ST3GAL3: variants seen among roughly 807,000 people sequenced by gnomAD.
ST3GAL3 encodes the protein ST3 beta-galactoside alpha-2,3-sialyltransferase 3.
In ST3GAL3, 21 loss-of-function variants were observed where a neutral mutation model predicts 50.1. The observed-to-expected ratio is 0.42, with a 90% CI of 0.30 to 0.60. ST3GAL3 has a LOEUF of 0.60. Among genes scored for constraint, ST3GAL3 ranks in the 20% least tolerant of loss-of-function variants. The probability of loss-of-function intolerance (pLI) is 0.19; values close to 1 mark genes in which losing one functional copy is unlikely to be tolerated. For synonymous variants in ST3GAL3, 183 were observed against 190.0 expected (o/e 0.96, Z 0.30); for missense variants, 353 against 489.4 (o/e 0.72, Z 2.63).
chr1:43,719,836 G>C (rs1669461071), intron 1 of ST3GAL3, among the ~76,000 whole-genome samples: 1 of 148,720 alleles, frequency 6.7e-6, no homozygotes, highest in South Asian at 2.1e-4. Context: ...TGGAGGGTGA[G>C]GCAGGAGAAT....
chr1:43,751,305 T>A (rs543711638), intron 2 of ST3GAL3, among the ~76,000 whole-genome samples: 1 of 152,320 alleles, frequency 6.6e-6, no homozygotes, highest in East Asian at 1.9e-4. Context: ...TATAAGTGGG[T>A]TCCTGGAAGG....
At chr1:43,792,018 G>C (rs1022407189) in intron 2 of ST3GAL3, 84 bp from the exon 3 acceptor site, 3 of 1,520,536 alleles carry the variant, frequency 2.0e-6, no homozygotes, top group Non-Finnish European at 2.7e-6. Context: ...TCTGCTTTGA[G>C]GGAGGGTTTG....
intron 1 of ST3GAL3, among the ~76,000 whole-genome samples, chr1:43,715,302 G>A (rs1363442101): frequency 2.0e-5 from 3 of 152,116 alleles, no homozygotes; most frequent in Non-Finnish European, 4.4e-5. Flanking sequence ...GGCTGTGCGC[G>A]GTGGCTCACG....
chr1:43,903,582 G>T (rs1311360382), intron 9 of ST3GAL3, among the ~76,000 whole-genome samples: 1 of 152,204 alleles, frequency 6.6e-6, no homozygotes, highest in Non-Finnish European at 1.5e-5. Flanking sequence ...GCAGGGGGAA[G>T]AGAGAGGACA....
Position 43,760,623 on chromosome 1 carries a change from G to A in ST3GAL3, c.118+24243G>A, listed in dbSNP as rs187293528. 2.0e-5 allele frequency among the ~76,000 whole-genome samples: 3 copies of A among 152,284 alleles called. No homozygotes were observed. The East Asian group carries it at 5.8e-4, about 29-fold the overall frequency. ...TACAAAAAATTAGCCGGGCGTGGTGGTAGGCACCTGTAGTCCCAGCTACTC... is the reference window on the plus strand; with the variant it reads ...TACAAAAAATTAGCCGGGCGTGGTGATAGGCACCTGTAGTCCCAGCTACTC... On this transcript the variant is annotated intron_variant, in intron 2 of 11. Transcript: ENST00000347631.
intron 5 of ST3GAL3, among the ~76,000 whole-genome samples, chr1:43,865,174 G>A (rs975932202): frequency 6.6e-6 from 1 of 151,768 alleles, no homozygotes; most frequent in African/African-American, 2.4e-5. Context: ...CCACCACCAC[G>A]CCCGGCTATT....
At chr1:43,731,718 G>C (rs1402882215) in intron 1 of ST3GAL3, among the ~76,000 whole-genome samples, 1 of 149,014 alleles carries the variant, frequency 6.7e-6, no homozygotes, top group East Asian at 2.0e-4. Flanking sequence ...ATTTTTAGTA[G>C]AGACGGGATT....
chr1:43,710,273 G>T (rs144628629), intron 1 of ST3GAL3, among the ~76,000 whole-genome samples: 1 of 152,022 alleles, frequency 6.6e-6, no homozygotes, highest in South Asian at 2.1e-4. Context: ...ATAGAGACGG[G>T]GTTTCACCAT....
chr1:43,744,700 A>AT (rs1304416345), intron 2 of ST3GAL3, among the ~76,000 whole-genome samples: 2 of 107,734 alleles, frequency 1.9e-5, no homozygotes, highest in South Asian at 2.9e-4. Flanking sequence ...AATAAAATAA[A>AT]AAATAAAATA....
At chr1:43,833,658 C>G (rs2063839864) in intron 4 of ST3GAL3, among the ~76,000 whole-genome samples, 1 of 152,112 alleles carries the variant, frequency 6.6e-6, no homozygotes, top group South Asian at 2.1e-4. Context: ...AAAATCCAAG[C>G]AGAGTGACTC....
At chr1:43,817,430 TCCTTCTTCC>T (rs2061408294) in intron 4 of ST3GAL3, among the ~76,000 whole-genome samples, 1 of 86,574 alleles carries the variant, frequency 1.2e-5, no homozygotes, top group African/African-American at 4.5e-5. Flanking sequence ...CTCCTTCTTC[TCCTTCTTCC>T]TTCTCCTTCT....
At chr1:43,880,690 C>T (rs2074962675) in intron 5 of ST3GAL3, among the ~76,000 whole-genome samples, 1 of 152,282 alleles carries the variant, frequency 6.6e-6, no homozygotes, top group African/African-American at 2.4e-5. Flanking sequence ...TCACTTCTTT[C>T]CCTCCTCAAC....
chr1:43,722,646 G>T (rs184673160), intron 1 of ST3GAL3, among the ~76,000 whole-genome samples: 1 of 152,278 alleles, frequency 6.6e-6, no homozygotes, highest in East Asian at 1.9e-4. Flanking sequence ...GCTTCAGGAA[G>T]TATTTAGGGA....
At chr1:43,869,650 C>T (rs1255900831) in intron 5 of ST3GAL3, among the ~76,000 whole-genome samples, 2 of 152,184 alleles carry the variant, frequency 1.3e-5, no homozygotes, top group East Asian at 1.9e-4. Context: ...TTGCCAAGCT[C>T]ACTCCCTTCC....
intron 5 of ST3GAL3, among the ~76,000 whole-genome samples, chr1:43,886,194 A>G (rs1211722596): frequency 6.6e-6 from 1 of 152,210 alleles, no homozygotes; most frequent in Admixed American, 6.5e-5. Context: ...CAGCCTAGCC[A>G]ACATGGTGAA....
At chr1:43,718,185 CTTTTTTTTTTT>C (rs57506461) in intron 1 of ST3GAL3, among the ~76,000 whole-genome samples, 1 of 83,378 alleles carries the variant, frequency 1.2e-5, no homozygotes. Flanking sequence ...ATCATTAAAT[CTTTTTTTTTTT>C]TTTTTTTTTT....
intron 5 of ST3GAL3, among the ~76,000 whole-genome samples, chr1:43,889,325 T>G (rs979316069): frequency 3.9e-5 from 6 of 152,110 alleles, no homozygotes; most frequent in Non-Finnish European, 8.8e-5. Context: ...GGGACAGAGA[T>G]GAAAGCTAGA....
intron 4 of ST3GAL3, among the ~76,000 whole-genome samples, chr1:43,836,837 A>T (rs1395860932): frequency 1.3e-5 from 2 of 152,120 alleles, no homozygotes; most frequent in Non-Finnish European, 2.9e-5. Context: ...CAGGGCAGTG[A>T]CTCCAGACCC....
intron 11 of ST3GAL3, chr1:43,921,397 T>TCGGA (rs897864816): frequency 3.9e-5 from 16 of 410,312 alleles, no homozygotes; most frequent in Non-Finnish European, 6.0e-5. Context: ...ACATTACAGG[T>TCGGA]CTCCAGCCTG....
Sources: allele counts gnomAD v4.1 joint callset (sites outside exome capture counted in the v4.1 genomes callset), GRCh38; gene constraint gnomAD v4.1.1; transcripts MANE v1.5; gene names NCBI Gene and HGNC (gene_info 2026-07-23, HGNC 2026-07-21).